ZC3H12B: variants seen among roughly 807,000 people sequenced by gnomAD.
The protein encoded by ZC3H12B is zinc finger CCCH-type containing 12B, also known as probable ribonuclease ZC3H12B.
A neutral mutation model predicts 43.9 loss-of-function variants in ZC3H12B; 7 were observed. The ratio of observed to expected loss-of-function variants is 0.16; its 90% confidence interval spans 0.09 to 0.30. The LOEUF (loss-of-function observed/expected upper bound fraction) is 0.30. ZC3H12B is among the 10% of genes least tolerant of loss of function. The probability of loss-of-function intolerance (pLI) is 1.00; values close to 1 mark genes in which losing one functional copy is unlikely to be tolerated. For missense variants in ZC3H12B, 475 were observed against 670.2 expected, an observed-to-expected ratio of 0.71 and a Z score of 3.22; for synonymous variants, 222 against 241.7, an observed-to-expected ratio of 0.92 and a Z score of 0.76.
chrX:65,192,769 CAGATAGATAGATAGAT>C, the ZC3H12B span, among the ~76,000 whole-genome samples: 1 of 104,377 alleles, frequency 9.6e-6, no homozygotes, highest in South Asian at 4.1e-4. Flanking sequence ...GGGATTTTCC[CAGATAGATAGATAGAT>C]AGATAGATAG....
At chrX:65,330,197 T>G in the ZC3H12B span, among the ~76,000 whole-genome samples, 1 of 111,650 alleles carries the variant, frequency 9.0e-6, no homozygotes, top group Non-Finnish European at 1.9e-5. Context: ...ATGATTTGGC[T>G]TTCTGTTTGT....
chrX:65,225,767 G>C, the ZC3H12B span, among the ~76,000 whole-genome samples: 31 of 112,139 alleles, frequency 2.8e-4, no homozygotes, highest in African/African-American at 1.0e-3. Context: ...CTGGAAGAAA[G>C]GGTATCAGTC....
the ZC3H12B span, among the ~76,000 whole-genome samples, chrX:65,347,728 A>G: frequency 8.9e-6 from 1 of 112,441 alleles, no homozygotes; most frequent in Non-Finnish European, 1.9e-5. Context: ...CAGGCATCCC[A>G]TTACTGGGTG....
At chrX:65,353,699 G>A in the ZC3H12B span, among the ~76,000 whole-genome samples, 1 of 112,145 alleles carries the variant, frequency 8.9e-6, no homozygotes, top group Non-Finnish European at 1.9e-5. Context: ...AGCCAAGCAA[G>A]CTAAGATCCA....
chrX:65,505,814 C>T (rs1345054405), exon 5 of ZC3H12B: 1 of 112,619 alleles, frequency 8.9e-6, no homozygotes, highest in Non-Finnish European at 1.9e-5. Flanking sequence ...GTGTAAGCTC[C>T]TCCCAATACA....
At chrX:65,192,412 G>A in the ZC3H12B span, among the ~76,000 whole-genome samples, 2 of 111,154 alleles carry the variant, frequency 1.8e-5, no homozygotes, top group African/African-American at 6.5e-5. Context: ...GTGTTAAGTG[G>A]GAATCTTTGT....
the ZC3H12B span, among the ~76,000 whole-genome samples, chrX:65,297,520 A>T: frequency 8.9e-6 from 1 of 112,040 alleles, no homozygotes; most frequent in Non-Finnish European, 1.9e-5. Context: ...ATAGAAATAC[A>T]TCCCATGCTG....
chrX:65,088,693 C>T, the ZC3H12B span, among the ~76,000 whole-genome samples: 1 of 111,738 alleles, frequency 8.9e-6, no homozygotes, highest in Non-Finnish European at 1.9e-5. Context: ...TATAATGACA[C>T]AGACTAATTC....
chrX:65,308,106 C>G, the ZC3H12B span, among the ~76,000 whole-genome samples: 2 of 111,127 alleles, frequency 1.8e-5, no homozygotes, highest in Non-Finnish European at 3.8e-5. Flanking sequence ...GTACATGGAA[C>G]ATTCTCGAAG....
intron 3 of ZC3H12B, among the ~76,000 whole-genome samples, chrX:65,463,575 T>C (rs567049919): frequency 2.7e-5 from 3 of 111,496 alleles, no homozygotes; most frequent in Non-Finnish European, 3.8e-5. Context: ...CTGCACTCTT[T>C]CCGGAGTTTA....
chrX:65,485,417 C>T (rs1220567829), upstream of ZC3H12B, among the ~76,000 whole-genome samples: 1 of 111,789 alleles, frequency 8.9e-6, no homozygotes, highest in East Asian at 2.8e-4. Flanking sequence ...CCATGCCTGA[C>T]TAATTTTAGT....
At chrX:65,083,173 CT>C in the ZC3H12B span, among the ~76,000 whole-genome samples, 1 of 111,048 alleles carries the variant, frequency 9.0e-6, no homozygotes, top group East Asian at 2.8e-4. Flanking sequence ...TGGGGAAAAA[CT>C]GAAAGCTTTT....
intron 1 of ZC3H12B, among the ~76,000 whole-genome samples, chrX:65,492,453 G>A (rs752882790): frequency 2.7e-5 from 3 of 112,037 alleles, no homozygotes; most frequent in African/African-American, 9.7e-5. Context: ...AAGGCATCTC[G>A]CATGATTTAA....
chrX:65,163,978 C>T, the ZC3H12B span, among the ~76,000 whole-genome samples: 2 of 112,194 alleles, frequency 1.8e-5, no homozygotes, highest in East Asian at 5.6e-4. Context: ...ATTATTAAAT[C>T]TATCCTGGCT....
the ZC3H12B span, among the ~76,000 whole-genome samples, chrX:65,056,873 T>C: frequency 1.8e-5 from 2 of 111,902 alleles, no homozygotes; most frequent in Non-Finnish European, 3.8e-5. Context: ...TCTGTGTTGG[T>C]TTAAAGTCTG....
the ZC3H12B span, among the ~76,000 whole-genome samples, chrX:65,115,995 G>A: frequency 9.0e-6 from 1 of 111,097 alleles, no homozygotes; most frequent in Admixed American, 9.6e-5. Flanking sequence ...CCAGTCTGTG[G>A]GTTGTGTGTT....
At chrX:65,436,519 C>G (rs1011582006) in intron 3 of ZC3H12B, among the ~76,000 whole-genome samples, 3 of 112,289 alleles carry the variant, frequency 2.7e-5, no homozygotes, top group African/African-American at 9.7e-5. Context: ...TTTGGAAACA[C>G]CCTTACAGCT....
intron 1 of ZC3H12B, among the ~76,000 whole-genome samples, chrX:65,492,792 G>T (rs2068223297): frequency 8.9e-6 from 1 of 111,746 alleles, no homozygotes; most frequent in African/African-American, 3.3e-5. Context: ...CAGCCTGTTG[G>T]ATTATCCTGC....
At chrX:65,452,841 A>AACACACACACACACAC (rs111853414) in intron 3 of ZC3H12B, among the ~76,000 whole-genome samples, 2,081 of 92,185 alleles carry the variant, frequency 0.023, 109 homozygotes, top group African/African-American at 0.084. Context: ...ACTCCATCTA[A>AACACACACACACACAC]ACACACACAC....
Sources: gnomAD v4.1 joint callset for allele counts (sites outside exome capture counted in the v4.1 genomes callset) on GRCh38, gnomAD v4.1.1 for gene constraint, MANE v1.5 for transcripts, NCBI Gene and HGNC (gene_info 2026-07-23, HGNC 2026-07-21) for gene names.